SLC44A5: variants seen among roughly 807,000 people sequenced by gnomAD.
The protein encoded by SLC44A5 is solute carrier family 44 member 5, also known as choline transporter-like protein 5.
Under a neutral mutation model 101.8 loss-of-function variants are expected in SLC44A5, and 57 were observed. The ratio of observed to expected loss-of-function variants is 0.56; its 90% CI spans 0.45 to 0.70. SLC44A5 has a LOEUF of 0.70. Among genes scored for constraint, SLC44A5 ranks in the 30% least tolerant of loss-of-function variants. The probability of loss-of-function intolerance (pLI) is 0.00; values close to 1 mark genes in which losing one functional copy is unlikely to be tolerated. For missense variants in SLC44A5, 737 were observed against 853.1 expected (o/e 0.86, Z 1.70); for synonymous variants, 281 against 290.9 (o/e 0.97, Z 0.35).
chr1:75,572,828 A>T (rs1673144683), intron 1 of SLC44A5, among the ~76,000 whole-genome samples: 2 of 152,074 alleles, frequency 1.3e-5, no homozygotes, highest in African/African-American at 4.8e-5. Flanking sequence ...TAAGCATATC[A>T]AGAAGAAAAT....
the SLC44A5 span, among the ~76,000 whole-genome samples, chr1:75,700,606 C>T: frequency 6.6e-6 from 1 of 152,016 alleles, no homozygotes; most frequent in African/African-American, 2.4e-5. Context: ...ACTAGAGAAG[C>T]AAGAGCAAAC....
At chr1:75,523,083 T>C (rs1670226392) in intron 2 of SLC44A5, among the ~76,000 whole-genome samples, 1 of 152,102 alleles carries the variant, frequency 6.6e-6, no homozygotes, top group Non-Finnish European at 1.5e-5. Context: ...TACACAACCA[T>C]ACCCCATTTA....
chr1:75,397,517 G>A (rs1662201389), intron 2 of SLC44A5, among the ~76,000 whole-genome samples: 1 of 152,102 alleles, frequency 6.6e-6, no homozygotes, highest in Non-Finnish European at 1.5e-5. Flanking sequence ...TTTGTAAATT[G>A]TGTTCCTTTG....
At chr1:75,414,381 G>A (rs571464895) in intron 2 of SLC44A5, among the ~76,000 whole-genome samples, 1 of 151,738 alleles carries the variant, frequency 6.6e-6, no homozygotes, top group Admixed American at 6.6e-5. Context: ...CTTGTGAAGA[G>A]AGAGATGCAC....
chr1:75,578,567 G>A (rs1673505131), intron 1 of SLC44A5, among the ~76,000 whole-genome samples: 1 of 152,176 alleles, frequency 6.6e-6, no homozygotes, highest in South Asian at 2.1e-4. Context: ...TCATTTATAT[G>A]TGGAATCTAA....
intron 3 of SLC44A5, among the ~76,000 whole-genome samples, chr1:75,361,499 T>C (rs1409173458): frequency 2.0e-5 from 3 of 152,116 alleles, no homozygotes; most frequent in Non-Finnish European, 4.4e-5. Flanking sequence ...TATACAGCCT[T>C]TATTGTGTTG....
chr1:75,652,676 C>T, the SLC44A5 span, among the ~76,000 whole-genome samples: 2 of 152,090 alleles, frequency 1.3e-5, no homozygotes, highest in African/African-American at 2.4e-5. Context: ...CACCTATAAT[C>T]GTAGCTACTC....
chr1:75,405,897 C>CG (rs1473378451), intron 2 of SLC44A5, among the ~76,000 whole-genome samples: 1 of 47,626 alleles, frequency 2.1e-5, no homozygotes, highest in Admixed American at 2.6e-4. Context: ...AAAAAAAAAA[C>CG]CCTTTAAAAA....
At chr1:75,648,992 T>C in the SLC44A5 span, among the ~76,000 whole-genome samples, 3 of 152,170 alleles carry the variant, frequency 2.0e-5, no homozygotes, top group Non-Finnish European at 2.9e-5. Context: ...CTATATCAAA[T>C]GTGATTGCAG....
intron 1 of SLC44A5, among the ~76,000 whole-genome samples, chr1:75,568,725 T>A (rs555137777): frequency 6.6e-6 from 1 of 152,208 alleles, no homozygotes; most frequent in South Asian, 2.1e-4. Context: ...ATCCCTGCAA[T>A]AGCGTCTTCC....
chr1:75,602,305 A>T (rs886430079), intron 1 of SLC44A5, among the ~76,000 whole-genome samples: 7 of 152,176 alleles, frequency 4.6e-5, no homozygotes, highest in African/African-American at 1.4e-4. Context: ...AGTGAAGGCT[A>T]TGTCCTTCTT....
intron 2 of SLC44A5, among the ~76,000 whole-genome samples, chr1:75,473,967 A>C (rs1667249000): frequency 6.6e-6 from 1 of 152,148 alleles, no homozygotes; most frequent in Non-Finnish European, 1.5e-5. Context: ...GTCCTGATTC[A>C]ATACCTGCAC....
chr1:75,242,196 A>AAT, intron 8 of SLC44A5, 135 bp from the exon 9 acceptor site: 2 of 609,292 alleles, frequency 3.3e-6, no homozygotes, highest in Non-Finnish European at 5.7e-6. Flanking sequence ...TAATAATATT[A>AAT]ATTGTAAGAT....
chr1:75,557,331 CT>C (rs1018481687), intron 1 of SLC44A5, among the ~76,000 whole-genome samples: 27 of 152,204 alleles, frequency 1.8e-4, no homozygotes, highest in African/African-American at 6.5e-4. Context: ...ATGTAGATGA[CT>C]TTTTAGAGTA....
intron 3 of SLC44A5, among the ~76,000 whole-genome samples, chr1:75,388,441 T>TTTTG (rs1661552263): frequency 6.6e-6 from 1 of 150,472 alleles, no homozygotes; most frequent in Admixed American, 6.6e-5. Context: ...AACTACACAA[T>TTTTG]TGAGACTACA....
chr1:75,560,882 TATACCAATAA>T (rs957390548), intron 1 of SLC44A5, among the ~76,000 whole-genome samples: 65 of 152,344 alleles, frequency 4.3e-4, no homozygotes, highest in African/African-American at 1.5e-3. Flanking sequence ...GTTTTCAGTA[TATACCAATAA>T]ATACCAATAA....
chr1:75,660,965 C>T, the SLC44A5 span, among the ~76,000 whole-genome samples: 3 of 152,092 alleles, frequency 2.0e-5, no homozygotes, highest in Non-Finnish European at 4.4e-5. Flanking sequence ...CAATGACATT[C>T]TCCACAGAAA....
chr1:75,221,653 A>G (rs1647083603), intron 14 of SLC44A5, among the ~76,000 whole-genome samples: 1 of 152,170 alleles, frequency 6.6e-6, no homozygotes, highest in Non-Finnish European at 1.5e-5. Context: ...AAGTTTTGCA[A>G]ATGATCTCAA....
the SLC44A5 span, among the ~76,000 whole-genome samples, chr1:75,616,584 C>T: frequency 1.2e-4 from 19 of 152,314 alleles, no homozygotes; most frequent in African/African-American, 3.6e-4. Context: ...GGCCCAGGAG[C>T]CGTCCTCCTC....
Sources: gnomAD v4.1 joint callset for allele counts (sites outside exome capture counted in the v4.1 genomes callset) on GRCh38, gnomAD v4.1.1 for gene constraint, MANE v1.5 for transcripts, NCBI Gene and HGNC (gene_info 2026-07-23, HGNC 2026-07-21) for gene names.